ADGRV1: variants seen among roughly 807,000 people sequenced by gnomAD.
ADGRV1 encodes adhesion G protein-coupled receptor V1.
ADGRV1 carries 359 observed loss-of-function variants against 596.2 expected under a neutral mutation model. The ratio of observed to expected loss-of-function variants is 0.60; its 90% CI spans 0.55 to 0.66. The LOEUF (loss-of-function observed/expected upper bound fraction) is 0.66. Ranked by LOEUF, ADGRV1 falls within the 30% of genes least tolerant of loss-of-function variation. The pLI, the probability that ADGRV1 is intolerant of heterozygous loss-of-function variation, is 0.00. For synonymous variants in ADGRV1, 2,681 were observed against 2,679.2 expected, an observed-to-expected ratio of 1.00 and a Z score of -0.02; for missense variants, 7,274 against 7,575.6, an observed-to-expected ratio of 0.96 and a Z score of 1.48.
At chr5:91,025,038 C>T (rs1232907849) in intron 85 of ADGRV1, among the ~76,000 whole-genome samples, 2 of 152,250 alleles carry the variant, frequency 1.3e-5, no homozygotes, top group East Asian at 3.9e-4. Flanking sequence ...AAGTTGATTA[C>T]CTATAGCAAG....
In ADGRV1 at chr5:90,826,794, C is replaced by G. The variant is rs114105901; in HGVS notation, c.16369-2150C>G. ...CCCTCACCTCAATCCAGTCTATTGG[C>G]ACTCAAAGTTTTTTGACTCTGTCCT... is the stretch of plus-strand genomic sequence containing the variant. On this transcript the variant is annotated intron_variant, in intron 76 of 89. Coordinates refer to ENST00000405460, the MANE Select transcript of ADGRV1 (RefSeq NM_032119.4). Among the ~76,000 whole-genome samples the G allele has an allele frequency of 2.3e-3, 350 of 152,268 alleles. 1 individual carries two copies. The highest frequency in any genetic ancestry group is 8.2e-3 in the African/African-American group (340 of 41,558).
At chr5:91,151,855 G>T (rs1796089984) in intron 88 of ADGRV1, among the ~76,000 whole-genome samples, 1 of 152,224 alleles carries the variant, frequency 6.6e-6, no homozygotes, top group South Asian at 2.1e-4. Context: ...GACACTGCTG[G>T]TCTAGATGTT....
At chr5:91,087,151 A>G (rs189807833) in intron 86 of ADGRV1, among the ~76,000 whole-genome samples, 2 of 152,278 alleles carry the variant, frequency 1.3e-5, no homozygotes, top group African/African-American at 4.8e-5. Context: ...CCTGATAATC[A>G]TCAATAGGAA....
chr5:90,945,770 G>A (rs772676582), intron 83 of ADGRV1, among the ~76,000 whole-genome samples: 11 of 152,102 alleles, frequency 7.2e-5, no homozygotes, highest in Non-Finnish European at 1.2e-4. Context: ...TAGATCACTT[G>A]AGCCCAGGAG....
At chr5:90,761,009 T>C (rs1397625413) in intron 58 of ADGRV1, among the ~76,000 whole-genome samples, 1 of 152,220 alleles carries the variant, frequency 6.6e-6, no homozygotes, top group Non-Finnish European at 1.5e-5. Flanking sequence ...ACTCAGCAAC[T>C]TTTCCGGCCC....
intron 34 of ADGRV1, among the ~76,000 whole-genome samples, chr5:90,697,516 G>A (rs923885290): frequency 1.3e-5 from 2 of 150,462 alleles, no homozygotes; most frequent in African/African-American, 2.5e-5. Flanking sequence ...CAAGTATAGC[G>A]TATGCCCAAG....
chr5:90,603,884 G>T (rs1408142419), intron 1 of ADGRV1, among the ~76,000 whole-genome samples: 2 of 124,000 alleles, frequency 1.6e-5, no homozygotes, highest in Admixed American at 7.8e-5. Flanking sequence ...GCATGTGTGT[G>T]TACGTGCCTG....
intron 84 of ADGRV1, among the ~76,000 whole-genome samples, chr5:90,970,290 C>A (rs1778847126): frequency 6.6e-6 from 1 of 152,166 alleles, no homozygotes; most frequent in East Asian, 1.9e-4. Context: ...CAGACTCCAC[C>A]TCTGGGGGCA....
At chr5:90,628,396 A>T (rs536308355) in intron 7 of ADGRV1, among the ~76,000 whole-genome samples, 166 bp from the exon 8 acceptor site, 2 of 152,220 alleles carry the variant, frequency 1.3e-5, no homozygotes, top group African/African-American at 4.8e-5. Context: ...TGGGCAACAG[A>T]GTGTGACCCA....
At chr5:91,163,118 G>GA (rs886451712) in intron 89 of ADGRV1, among the ~76,000 whole-genome samples, 13 of 151,414 alleles carry the variant, frequency 8.6e-5, no homozygotes, top group East Asian at 3.9e-4. Context: ...TCTGAGTTGT[G>GA]AAAAAAAAAG....
chr5:90,782,170 A>G (rs1338760528), intron 65 of ADGRV1, among the ~76,000 whole-genome samples: 1 of 152,210 alleles, frequency 6.6e-6, no homozygotes, highest in Non-Finnish European at 1.5e-5. Flanking sequence ...GACTTTAAAA[A>G]TAAATATCTT....
intron 59 of ADGRV1, among the ~76,000 whole-genome samples, chr5:90,766,008 T>C (rs546951065): frequency 3.9e-4 from 59 of 152,020 alleles, no homozygotes; most frequent in African/African-American, 7.5e-4. Flanking sequence ...CTCCCGGGTT[T>C]ACGCCATTCT....
rs1756222851 is a variant in ADGRV1 at position 90,759,501 on chromosome 5, T to G, written c.12033T>G (p.Gly4011=). The change falls in exon 58 of 90, where the codon GGT becomes GGG. Residue 4011 remains glycine, a synonymous_variant. Coordinates refer to ENST00000405460, the MANE Select transcript of ADGRV1 (RefSeq NM_032119.4). ...TTTCCTTGATCAGTGTTGCTGGAGG[T>G]GGCAGACTTGGTGATGATGTTGTGG... is the stretch of plus-strand genomic sequence containing the variant. The part of the protein sequence containing the change: ...FNISLISVAG[G]GRLGDDVVVT... 1 of 1,612,116 alleles carries G rather than the reference T, an allele frequency of 6.2e-7. No homozygotes were observed. Among genetic ancestry groups the G allele is most frequent in the Admixed American group, 1.7e-5 (1 of 59,900 alleles).
chr5:90,683,468 TC>T lies in ADGRV1; in HGVS notation c.5665-117del. On this transcript the variant is annotated intron_variant, in intron 27 of 89. Transcript: ENST00000405460. The stretch of plus-strand genomic sequence containing the variant: ...ACCCCTGCCTGCAGCAGTCTTGTAG[TC>T]TGGAGAAGAACTTATATAAAATAAA... 3 of 796,544 alleles carry T rather than the reference TC, an allele frequency of 3.8e-6. No homozygotes were observed. The South Asian group carries it at 6.1e-5, about 16-fold the overall frequency. 49.3% of individuals were successfully genotyped at this position (796,544 alleles called of 1,614,324 possible). A position where few individuals can be genotyped will look rare whatever the true frequency, so the allele number is the denominator to read the frequency against.
intron 84 of ADGRV1, among the ~76,000 whole-genome samples, chr5:90,983,152 G>C (rs1045266344): frequency 1.3e-5 from 2 of 152,076 alleles, no homozygotes; most frequent in Admixed American, 6.6e-5. Flanking sequence ...ATTGGCAAAA[G>C]CTTATGACAT....
chr5:90,804,991 A>G (rs1761763659), intron 71 of ADGRV1: 1 of 211,254 alleles, frequency 4.7e-6, no homozygotes, highest in Admixed American at 5.6e-5. Flanking sequence ...AATGCCATTT[A>G]ACATATTTTG....
chr5:90,848,996 C>A (rs1395997622), intron 79 of ADGRV1, among the ~76,000 whole-genome samples, 175 bp downstream of exon 79: 3 of 151,732 alleles, frequency 2.0e-5, no homozygotes, highest in Non-Finnish European at 4.4e-5. Flanking sequence ...GCAGGTACAT[C>A]AAAAAAATAA....
intron 1 of ADGRV1, among the ~76,000 whole-genome samples, chr5:90,580,915 A>C (rs1757943853): frequency 6.6e-6 from 1 of 151,712 alleles, no homozygotes; most frequent in Non-Finnish European, 1.5e-5. Flanking sequence ...TGGTCTTTTC[A>C]CATAGTCCCA....
chr5:90,583,819 G>A (rs1201172805), intron 1 of ADGRV1, among the ~76,000 whole-genome samples: 1 of 142,604 alleles, frequency 7.0e-6, no homozygotes, highest in Non-Finnish European at 1.6e-5. Flanking sequence ...AAGAGACTGA[G>A]TTGGATTATA....
Sources: allele counts gnomAD v4.1 joint callset (sites outside exome capture counted in the v4.1 genomes callset), GRCh38; gene constraint gnomAD v4.1.1; transcripts MANE v1.5; gene names NCBI Gene and HGNC (gene_info 2026-07-23, HGNC 2026-07-21).